The following PRKG1 variants were observed in gnomAD, a reference collection of about 807,000 sequenced individuals.
PRKG1 encodes the protein protein kinase cGMP-dependent 1, also known as cGMP-dependent protein kinase 1.
In PRKG1, 35 loss-of-function variants were observed where a neutral mutation model predicts 88.1. The ratio of observed to expected loss-of-function variants is 0.40; its 90% CI spans 0.30 to 0.53. PRKG1 has a LOEUF of 0.53. Ranked by LOEUF, PRKG1 falls within the 20% of genes least tolerant of loss-of-function variation. PRKG1 has a pLI of 0.59. For missense variants in PRKG1, 540 were observed against 839.8 expected (o/e 0.64, Z 4.41); for synonymous variants, 303 against 292.5 (o/e 1.04, Z -0.37).
chr10:51,126,111 T>TTATATAATAATATACTA (rs1845399477), intron 1 of PRKG1, among the ~76,000 whole-genome samples: 1 of 77,658 alleles, frequency 1.3e-5, no homozygotes, highest in Non-Finnish European at 2.7e-5. Context: ...CTATATATAA[T>TTATATAATAATATACTA]TATATAATTA....
At chr10:51,577,555 G>A (rs754112411) in intron 3 of PRKG1, among the ~76,000 whole-genome samples, 4 of 151,990 alleles carry the variant, frequency 2.6e-5, no homozygotes, top group Admixed American at 6.6e-5. Flanking sequence ...TCATGATAGA[G>A]GATCTAGATA....
intron 1 of PRKG1, among the ~76,000 whole-genome samples, chr10:51,036,410 G>A (rs565772499): frequency 6.6e-6 from 1 of 152,228 alleles, no homozygotes; most frequent in South Asian, 2.1e-4. Context: ...TTGGAGGTAG[G>A]TGTGCCTGGG....
intron 3 of PRKG1, among the ~76,000 whole-genome samples, chr10:51,602,744 G>T (rs71508089): frequency 2.7e-5 from 3 of 111,352 alleles, no homozygotes; most frequent in African/African-American, 1.4e-4. Context: ...GTGTGTGTGT[G>T]TGTGTGTGTG....
At chr10:51,328,407 C>T (rs1179342293) in intron 2 of PRKG1, among the ~76,000 whole-genome samples, 1 of 152,146 alleles carries the variant, frequency 6.6e-6, no homozygotes, top group Admixed American at 6.5e-5. Flanking sequence ...GATTCCATAG[C>T]TTGGCTATTG....
At chr10:51,342,103 G>A (rs139264914) in intron 2 of PRKG1, among the ~76,000 whole-genome samples, 12 of 152,266 alleles carry the variant, frequency 7.9e-5, no homozygotes, top group East Asian at 3.9e-4. Flanking sequence ...AAGATGACAC[G>A]TATTTTAGCC....
chr10:51,891,413 A>C (rs946560982), intron 4 of PRKG1, among the ~76,000 whole-genome samples: 3 of 152,224 alleles, frequency 2.0e-5, no homozygotes, highest in African/African-American at 4.8e-5. Context: ...CATAGGGAAA[A>C]AACTATTTTA....
chr10:51,085,772 T>C (rs1181018366), intron 1 of PRKG1, among the ~76,000 whole-genome samples: 2 of 152,192 alleles, frequency 1.3e-5, no homozygotes, highest in African/African-American at 2.4e-5. Context: ...TTTGTAGTTA[T>C]TCATTTAATA....
In PRKG1 at chr10:51,481,256, CTG is replaced by C. The variant is rs1227401541; in HGVS notation, c.592+13422_592+13423del. 1.8e-4 allele frequency among the ~76,000 whole-genome samples: 23 copies of C among 127,504 alleles called. No individual in the cohort carries two copies. The East Asian group carries it at 4.8e-3, about 27-fold the overall frequency. The allele number at this position is 127,504 out of a possible 152,430, so 83.6% of individuals were successfully genotyped here. A position where few individuals can be genotyped will look rare whatever the true frequency, so the allele number is the denominator to read the frequency against. On this transcript the variant is annotated intron_variant, in intron 3 of 17. Coordinates refer to ENST00000373980, the MANE Select transcript of PRKG1 (RefSeq NM_006258.4). ...TCTTTCTTGCTCTCTCTGTCTCTTTCTGTCTTTCTTTCTTTCTTTCTCACTCT... is the reference window on the plus strand; with the variant it reads ...TCTTTCTTGCTCTCTCTGTCTCTTTCTCTTTCTTTCTTTCTTTCTCACTCT...
intron 5 of PRKG1, among the ~76,000 whole-genome samples, chr10:51,994,334 C>T (rs544612120): frequency 6.6e-6 from 1 of 152,252 alleles, no homozygotes; most frequent in African/African-American, 2.4e-5. Context: ...AAGGTCTCCT[C>T]GTGGCCCTAT....
chr10:51,220,398 A>T (rs887073816), intron 2 of PRKG1, among the ~76,000 whole-genome samples: 4 of 152,208 alleles, frequency 2.6e-5, no homozygotes, highest in African/African-American at 4.8e-5. Context: ...GTTACAAAGG[A>T]ATAAAAAGAT....
intron 1 of PRKG1, among the ~76,000 whole-genome samples, chr10:51,113,384 A>G (rs2131900224): frequency 6.6e-6 from 1 of 152,290 alleles, no homozygotes; most frequent in African/African-American, 2.4e-5. Flanking sequence ...GCAGTGTGTT[A>G]TTCAGGGTGT....
At chr10:51,432,674 A>G (rs1485785115) in intron 2 of PRKG1, among the ~76,000 whole-genome samples, 1 of 150,806 alleles carries the variant, frequency 6.6e-6, no homozygotes, top group African/African-American at 2.5e-5. Flanking sequence ...TTTGTACCTT[A>G]GGGTGTCTGC....
At chr10:51,461,386 T>C (rs564716509) in intron 2 of PRKG1, among the ~76,000 whole-genome samples, 1 of 152,148 alleles carries the variant, frequency 6.6e-6, no homozygotes, top group Non-Finnish European at 1.5e-5. Flanking sequence ...AACAACATGA[T>C]GGTCTTAGAA....
At chr10:52,093,216 C>T (rs531537553) in intron 7 of PRKG1, among the ~76,000 whole-genome samples, 6 of 152,190 alleles carry the variant, frequency 3.9e-5, no homozygotes, top group South Asian at 2.1e-4. Flanking sequence ...GTAATAGAGA[C>T]GTTTTGTTTC....
At chr10:51,661,894 C>G (rs1840308990) in intron 3 of PRKG1, among the ~76,000 whole-genome samples, 1 of 152,150 alleles carries the variant, frequency 6.6e-6, no homozygotes, top group African/African-American at 2.4e-5. Context: ...GAATACTATG[C>G]AGTCATAAAA....
At chr10:51,561,422 G>A (rs1026804029) in intron 3 of PRKG1, among the ~76,000 whole-genome samples, 5 of 152,172 alleles carry the variant, frequency 3.3e-5, no homozygotes, top group East Asian at 3.9e-4. Context: ...ATCTTGTAAG[G>A]TCAGTCATCT....
chr10:50,994,327 C>T (rs1842811205), intron 1 of PRKG1, among the ~76,000 whole-genome samples: 1 of 149,474 alleles, frequency 6.7e-6, no homozygotes, highest in East Asian at 1.9e-4. Flanking sequence ...AAACAAGATA[C>T]TTTTAAAATA....
Position 51,293,501 on chromosome 10 carries a change from CACTTA to C in PRKG1, c.478+140178_478+140182del, listed in dbSNP as rs373832273. On this transcript the variant is annotated intron_variant, in intron 2 of 17. Transcript: ENST00000373980. ...TTGTCTTTCTATGTTTGGCTTATTT[CACTTA>C]ACTTAATGTCCTCCAGGTTCATCTT... Among the ~76,000 whole-genome samples the C allele has an allele frequency of 6.1e-3, 933 of 152,236 alleles. 8 individuals are homozygous for C. The highest frequency in any genetic ancestry group is 0.02 in the African/African-American group (845 of 41,550).
At chr10:51,238,265 G>C (rs1395505716) in intron 2 of PRKG1, among the ~76,000 whole-genome samples, 1 of 152,134 alleles carries the variant, frequency 6.6e-6, no homozygotes, top group East Asian at 1.9e-4. Flanking sequence ...TTATTGAGTT[G>C]CTATAGACCA....
Sources: allele counts gnomAD v4.1 joint callset (sites outside exome capture counted in the v4.1 genomes callset), GRCh38; gene constraint gnomAD v4.1.1; transcripts MANE v1.5; gene names NCBI Gene and HGNC (gene_info 2026-07-23, HGNC 2026-07-21).